The following CNBD1 variants were observed in gnomAD, a reference collection of about 807,000 sequenced individuals.
CNBD1 encodes the protein cyclic nucleotide-binding domain-containing protein 1.
Under a neutral mutation model 54.4 loss-of-function variants are expected in CNBD1, and 71 were observed. That is an observed-to-expected ratio of 1.30 (90% CI 1.08 to 1.59). CNBD1 has a LOEUF of 1.59. Among genes scored for constraint, CNBD1 ranks in the 40% most tolerant of loss-of-function variants. The probability of loss-of-function intolerance (pLI) is 0.00; values close to 1 mark genes in which losing one functional copy is unlikely to be tolerated. For synonymous variants in CNBD1, 182 were observed against 170.7 expected (o/e 1.07, Z -0.51); for missense variants, 659 against 518.0 (o/e 1.27, Z -2.64).
intron 4 of CNBD1, among the ~76,000 whole-genome samples, chr8:87,176,736 G>A (rs138550478): frequency 0.02 from 3,023 of 150,412 alleles, 112 homozygotes; most frequent in African/African-American, 0.07. Context: ...TGATCTGCCC[G>A]CCTCAGCCTT....
At chr8:87,396,957 A>G (rs746654571) in intron 2 of CNBD1, among the ~76,000 whole-genome samples, 13 of 150,356 alleles carry the variant, frequency 8.6e-5, no homozygotes, top group Non-Finnish European at 1.8e-4. Context: ...TCATGGATTA[A>G]TCCCTCCTTC....
At chr8:87,409,978 G>T (rs1383315344) in intron 2 of CNBD1, among the ~76,000 whole-genome samples, 1 of 151,830 alleles carries the variant, frequency 6.6e-6, no homozygotes, top group Non-Finnish European at 1.5e-5. Context: ...AGCCGAGATA[G>T]TGCCACTGCA....
At chr8:87,319,715 A>G (rs1809479313) in intron 8 of CNBD1, among the ~76,000 whole-genome samples, 1 of 152,074 alleles carries the variant, frequency 6.6e-6, no homozygotes, top group South Asian at 2.1e-4. Flanking sequence ...TTTAACATAT[A>G]TTGATTGAAA....
intron 4 of CNBD1, among the ~76,000 whole-genome samples, chr8:87,018,750 A>G (rs1809420475): frequency 6.6e-6 from 1 of 152,188 alleles, no homozygotes; most frequent in Non-Finnish European, 1.5e-5. Flanking sequence ...TGTTGCTAAA[A>G]CTATACAAGC....
At chr8:87,070,910 T>C (rs918243350) in intron 4 of CNBD1, among the ~76,000 whole-genome samples, 1 of 152,084 alleles carries the variant, frequency 6.6e-6, no homozygotes, top group African/African-American at 2.4e-5. Flanking sequence ...GTTTTTATTA[T>C]GATTCCAAGG....
chr8:87,151,676 A>C (rs1812607422), intron 4 of CNBD1, among the ~76,000 whole-genome samples: 2 of 152,138 alleles, frequency 1.3e-5, no homozygotes, highest in Non-Finnish European at 2.9e-5. Context: ...TTTGACTTCT[A>C]TTTCTATGCT....
At chr8:87,061,782 C>T (rs376517843) in intron 4 of CNBD1, among the ~76,000 whole-genome samples, 16 of 152,204 alleles carry the variant, frequency 1.1e-4, no homozygotes, top group South Asian at 4.1e-4. Context: ...TGTAGAGGCA[C>T]GTTTTTCCCC....
At chr8:86,901,064 A>T (rs1808925117) in intron 2 of CNBD1, among the ~76,000 whole-genome samples, 1 of 152,154 alleles carries the variant, frequency 6.6e-6, no homozygotes, top group Admixed American at 6.5e-5. Context: ...AACAGAAGAG[A>T]CTGAATAGCA....
chr8:87,376,666 C>T (rs62526824), intron 10 of CNBD1, among the ~76,000 whole-genome samples: 6,644 of 151,866 alleles, frequency 0.044, 191 homozygotes, highest in Non-Finnish European at 0.06. Flanking sequence ...TGATTATTTA[C>T]TATATTAAAG....
At chr8:86,992,542 T>C (rs1277736812) in intron 4 of CNBD1, among the ~76,000 whole-genome samples, 1 of 151,982 alleles carries the variant, frequency 6.6e-6, no homozygotes, top group Admixed American at 6.6e-5. Flanking sequence ...TAAATTTGAT[T>C]GTGTAGTTTT....
At chr8:87,338,852 A>G (rs1447285266) in intron 8 of CNBD1, among the ~76,000 whole-genome samples, 1 of 152,088 alleles carries the variant, frequency 6.6e-6, no homozygotes, top group Non-Finnish European at 1.5e-5. Flanking sequence ...ACTACTATAA[A>G]TAGACCTTTA....
intron 2 of CNBD1, among the ~76,000 whole-genome samples, chr8:87,423,806 G>A (rs1586094429): frequency 6.6e-6 from 1 of 152,044 alleles, no homozygotes; most frequent in East Asian, 1.9e-4. Context: ...GAGTTAGGGA[G>A]GATTCCCTCT....
chr8:87,399,301 G>T (rs1442802466), intron 2 of CNBD1, among the ~76,000 whole-genome samples: 2 of 151,978 alleles, frequency 1.3e-5, no homozygotes, highest in South Asian at 2.1e-4. Flanking sequence ...CCATGGCAGG[G>T]TTAGCCTTGG....
At chr8:87,297,126 C>T (rs1435296539) in intron 8 of CNBD1, among the ~76,000 whole-genome samples, 3 of 130,750 alleles carry the variant, frequency 2.3e-5, no homozygotes, top group Non-Finnish European at 3.1e-5. Flanking sequence ...TGCAGTGAGC[C>T]GAGATTGTGC....
chr8:86,998,462 C>G (rs1311428053), intron 4 of CNBD1, among the ~76,000 whole-genome samples: 1 of 152,070 alleles, frequency 6.6e-6, no homozygotes, highest in African/African-American at 2.4e-5. Flanking sequence ...GAAAAGGACA[C>G]TTGTTTATGA....
At chr8:87,112,321 T>C (rs1811680282) in intron 4 of CNBD1, among the ~76,000 whole-genome samples, 1 of 152,194 alleles carries the variant, frequency 6.6e-6, no homozygotes, top group Admixed American at 6.5e-5. Flanking sequence ...ATCTATCCAG[T>C]TCCCCTATCT....
chr8:86,905,986 A>C (rs988727407), intron 3 of CNBD1, among the ~76,000 whole-genome samples: 2 of 152,154 alleles, frequency 1.3e-5, no homozygotes, highest in African/African-American at 4.8e-5. Context: ...CATACTCCCT[A>C]ATAACTTCTA....
chr8:87,103,852 G>A (rs914547218), intron 4 of CNBD1, among the ~76,000 whole-genome samples: 1 of 152,208 alleles, frequency 6.6e-6, no homozygotes, highest in African/African-American at 2.4e-5. Context: ...ACAAGAGTAT[G>A]ATGACCCTGA....
intron 4 of CNBD1, among the ~76,000 whole-genome samples, chr8:87,016,444 T>G (rs2130569310): frequency 7.7e-6 from 1 of 130,084 alleles, no homozygotes; most frequent in South Asian, 2.4e-4. Context: ...ATTATACAGA[T>G]AAAATTAAAT....
Sources: allele counts gnomAD v4.1 joint callset (sites outside exome capture counted in the v4.1 genomes callset), GRCh38; gene constraint gnomAD v4.1.1; transcripts MANE v1.5; gene names NCBI Gene and HGNC (gene_info 2026-07-23, HGNC 2026-07-21).